CPEB3: variants seen among roughly 807,000 people sequenced by gnomAD.
CPEB3 encodes the protein cytoplasmic polyadenylation element-binding protein 3.
Under a neutral mutation model 67.2 loss-of-function variants are expected in CPEB3, and 20 were observed. The observed-to-expected ratio is 0.30, with a 90% CI of 0.21 to 0.43. The LOEUF is 0.43. Among genes scored for constraint, CPEB3 ranks in the 20% least tolerant of loss-of-function variants. The pLI, the probability that CPEB3 is intolerant of heterozygous loss-of-function variation, is 1.00. For missense variants in CPEB3, 746 were observed against 968.6 expected (o/e 0.77, Z 3.05); for synonymous variants, 376 against 393.1 (o/e 0.96, Z 0.51).
At chr10:92,285,847 A>G (rs1210727718) in intron 1 of CPEB3, among the ~76,000 whole-genome samples, 1 of 151,110 alleles carries the variant, frequency 6.6e-6, no homozygotes, top group Non-Finnish European at 1.5e-5. Flanking sequence ...CTTCTACATC[A>G]CTCTAAATTT....
At chr10:92,255,849 TAC>T (rs1319448146) in intron 1 of CPEB3, among the ~76,000 whole-genome samples, 1 of 152,220 alleles carries the variant, frequency 6.6e-6, no homozygotes, top group Non-Finnish European at 1.5e-5. Context: ...TGCCCCTAAA[TAC>T]AGTCTCCCCC....
Position 92,239,771 on chromosome 10 carries a change from C to G in CPEB3, c.580G>C (p.Ala194Pro). Residue 194 changes from alanine to proline, a missense_variant, in exon 2 of 10, where the codon GCC (alanine) becomes CCC (proline). This residue lies in a region of CPEB3 where 643 missense variants were observed against 717.5 expected (regional missense o/e 0.90). Transcript: ENST00000265997. This position sits in a 1 kb window ranked among gnomAD's most constrained non-coding sequence, Gnocchi z 6.0. ...GCGTAGGGCGCCTGGCTGGGGCTGG[C>G]GGGTGAGCGGCGCTGCTGCGGGGGC... is the stretch of plus-strand genomic sequence containing the variant. ...AQPPQQRRSP[A>P]SPSQAPYAQR... The G allele has an allele frequency of 7.0e-7, 1 of 1,427,990 alleles. No individual in the cohort carries two copies. Among genetic ancestry groups the G allele is most frequent in the South Asian group, 1.5e-5 (1 of 65,300 alleles). The allele number at this position is 1,427,990 out of a possible 1,614,324, so 88.5% of individuals were successfully genotyped here. A position where few individuals can be genotyped will look rare whatever the true frequency, so the allele number is the denominator to read the frequency against.
intron 1 of CPEB3, among the ~76,000 whole-genome samples, 180 bp from the exon 2 acceptor site, chr10:92,240,541 G>A (rs192069944): frequency 1.3e-5 from 2 of 152,282 alleles, no homozygotes; most frequent in East Asian, 3.9e-4. Flanking sequence ...GAATAGGGAA[G>A]GTGTCGAGCA....
At chr10:92,219,847 G>C (rs2134431769) in intron 2 of CPEB3, among the ~76,000 whole-genome samples, 1 of 152,238 alleles carries the variant, frequency 6.6e-6, no homozygotes, top group South Asian at 2.1e-4. Flanking sequence ...AGAAATTCTA[G>C]ATCAAAATAT....
At position 92,143,836 on chromosome 10, in the gene CPEB3, T is replaced by C. The variant is rs1326791181; in HGVS notation, c.1364-718A>G. ...AGATTAACATGAATACAAGAACAAT[T>C]TGGAGGAAAATAAGCATTCAGCTAT... On this transcript the variant is annotated intron_variant, in intron 5 of 9. Coordinates refer to ENST00000265997, the MANE Select transcript of CPEB3 (RefSeq NM_014912.5). Among the ~76,000 whole-genome samples, 5 of 152,192 alleles carry C rather than the reference T, an allele frequency of 3.3e-5. No individual in the cohort carries two copies. The East Asian group carries it at 5.8e-4, about 18-fold the overall frequency.
At chr10:92,280,145 C>T (rs2135064892) in intron 1 of CPEB3, among the ~76,000 whole-genome samples, 1 of 151,924 alleles carries the variant, frequency 6.6e-6, no homozygotes, top group South Asian at 2.1e-4. Flanking sequence ...GAGTTCGAGA[C>T]AAGCCTGGCC....
At chr10:92,199,560 T>C (rs1291518577) in intron 2 of CPEB3, among the ~76,000 whole-genome samples, 1 of 151,426 alleles carries the variant, frequency 6.6e-6, no homozygotes, top group Admixed American at 6.6e-5. Context: ...GGCACGCGCC[T>C]GTAGTCCCAA....
intron 2 of CPEB3, among the ~76,000 whole-genome samples, chr10:92,201,927 CT>C (rs1296067561): frequency 2.6e-5 from 4 of 152,138 alleles, no homozygotes; most frequent in African/African-American, 9.7e-5. Flanking sequence ...AGAAATGTGT[CT>C]TATTTCTCTG....
intron 7 of CPEB3, among the ~76,000 whole-genome samples, chr10:92,106,734 G>C (rs1159221198): frequency 7.5e-6 from 1 of 133,324 alleles, no homozygotes; most frequent in African/African-American, 2.8e-5. Context: ...TGAATCACTT[G>C]AACTCAGAAG....
At chr10:92,268,286 T>C (rs137978976) in intron 1 of CPEB3, among the ~76,000 whole-genome samples, 197 of 152,278 alleles carry the variant, frequency 1.3e-3, no homozygotes, top group Non-Finnish European at 1.9e-3. Context: ...GTTCCTGATA[T>C]TCATTACTTT....
intron 6 of CPEB3, chr10:92,137,774 G>A (rs569467277): frequency 1.2e-4 from 32 of 271,700 alleles, no homozygotes; most frequent in South Asian, 1.1e-3. Context: ...CAAGGTGGGC[G>A]GATCACAAGG....
At chr10:92,073,507 T>C (rs951295115) in intron 9 of CPEB3, among the ~76,000 whole-genome samples, 2 of 152,244 alleles carry the variant, frequency 1.3e-5, no homozygotes, top group Non-Finnish European at 2.9e-5. Context: ...GGTGCAGTCA[T>C]AGCTCACTGT....
chr10:92,088,187 T>G (rs912369281), intron 8 of CPEB3, among the ~76,000 whole-genome samples: 9 of 152,092 alleles, frequency 5.9e-5, no homozygotes, highest in South Asian at 2.1e-4. Flanking sequence ...GCTTTGCTTT[T>G]CTTTTCCTTT....
Position 92,115,419 on chromosome 10 carries a change from T to C in CPEB3, c.1454-4225A>G, listed in dbSNP as rs970103750. Among the ~76,000 whole-genome samples, 5 of 152,328 alleles carry C rather than the reference T, an allele frequency of 3.3e-5. No homozygotes were observed. The East Asian group carries it at 9.6e-4, about 29-fold the overall frequency. Reference sequence around the variant, plus strand: ...CTTCAGCCTCAGCCTCCCACAGTGCTGGGATTACAGGCGTAAGCCACTGCA... The same window carrying C: ...CTTCAGCCTCAGCCTCCCACAGTGCCGGGATTACAGGCGTAAGCCACTGCA... On this transcript the variant is annotated intron_variant, in intron 6 of 9. Transcript: ENST00000265997.
At chr10:92,194,715 G>A (rs1849146572) in intron 2 of CPEB3, among the ~76,000 whole-genome samples, 2 of 151,988 alleles carry the variant, frequency 1.3e-5, no homozygotes, top group South Asian at 4.2e-4. Flanking sequence ...TTAGTACTCT[G>A]AGCCTCAAGG....
At chr10:92,192,026 T>A (rs908295481) in intron 3 of CPEB3, among the ~76,000 whole-genome samples, 2 of 152,194 alleles carry the variant, frequency 1.3e-5, no homozygotes, top group African/African-American at 4.8e-5. Flanking sequence ...ATACTTCCTA[T>A]ACTAGGAAGG....
chr10:92,050,395 C>T lies in CPEB3; in HGVS notation c.*1817G>A, dbSNP rs572775594. On this transcript the variant is annotated 3_prime_UTR_variant, in exon 10 of 10. Transcript: ENST00000265997. Reference sequence around the variant, plus strand: ...AACTTAAGACAGTACAAGGACATCACAGCACAGAAAACACAGCGACTTAAA... The same window carrying T: ...AACTTAAGACAGTACAAGGACATCATAGCACAGAAAACACAGCGACTTAAA... 1 of 152,754 alleles carries T rather than the reference C, an allele frequency of 6.5e-6. No homozygotes were observed. Among genetic ancestry groups the T allele is most frequent in the African/African-American group, 2.4e-5 (1 of 41,576 alleles). The allele number at this position is 152,754 out of a possible 1,614,324, so 9.5% of individuals were successfully genotyped here.
At chr10:92,153,118 G>A (rs114561464) in intron 4 of CPEB3, among the ~76,000 whole-genome samples, 343 of 152,214 alleles carry the variant, frequency 2.3e-3, no homozygotes, top group African/African-American at 7.2e-3. Context: ...TCCGATTCAC[G>A]TCCATGTTTT....
chr10:92,229,741 C>G (rs997991968), intron 2 of CPEB3, among the ~76,000 whole-genome samples: 1 of 152,106 alleles, frequency 6.6e-6, no homozygotes, highest in Non-Finnish European at 1.5e-5. Flanking sequence ...CTACAGATAT[C>G]TTGTATAGAA....
Sources: gnomAD v4.1 joint callset for allele counts (sites outside exome capture counted in the v4.1 genomes callset) on GRCh38, gnomAD v4.1.1 for gene constraint, gnomAD v4.1.1 regional missense constraint, Gnocchi (gnomAD v3.1) non-coding constraint, MANE v1.5 for transcripts, NCBI Gene and HGNC (gene_info 2026-07-23, HGNC 2026-07-21) for gene names.